NRIP1: variants seen among roughly 807,000 people sequenced by gnomAD.
NRIP1 encodes the protein nuclear receptor-interacting protein 1.
A neutral mutation model predicts 75.0 loss-of-function variants in NRIP1; 28 were observed. The observed-to-expected ratio is 0.37, with a 90% CI of 0.28 to 0.51. The LOEUF (loss-of-function observed/expected upper bound fraction) is 0.51. Among genes scored for constraint, NRIP1 ranks in the 20% least tolerant of loss-of-function variants. The probability of loss-of-function intolerance (pLI) is 0.92; values close to 1 mark genes in which losing one functional copy is unlikely to be tolerated. For synonymous variants in NRIP1, 526 were observed against 487.6 expected (o/e 1.08, Z -1.04); for missense variants, 1,435 against 1,343.7 (o/e 1.07, Z -1.06).
chr21:15,045,511 TAG>T (rs2089053139), intron 1 of NRIP1, among the ~76,000 whole-genome samples: 1 of 152,354 alleles, frequency 6.6e-6, no homozygotes, highest in African/African-American at 2.4e-5. Context: ...TGTGAATCTT[TAG>T]AGAGTTTTAC....
chr21:15,007,126 T>A (rs2087991206), intron 3 of NRIP1, among the ~76,000 whole-genome samples: 1 of 152,186 alleles, frequency 6.6e-6, no homozygotes, highest in Admixed American at 6.5e-5. Flanking sequence ...GGACTTTGAA[T>A]CAAGGCCATG....
intron 3 of NRIP1, among the ~76,000 whole-genome samples, chr21:14,985,560 G>C (rs2087376195): frequency 6.6e-6 from 1 of 152,126 alleles, no homozygotes; most frequent in South Asian, 2.1e-4. Context: ...GGAATTACCA[G>C]TGTGAGCCAC....
intron 3 of NRIP1, among the ~76,000 whole-genome samples, chr21:14,988,499 A>ATG (rs368052539): frequency 0.032 from 4,183 of 131,398 alleles, 91 homozygotes; most frequent in African/African-American, 0.075. Flanking sequence ...GTATATATAT[A>ATG]TGTGTGTGTG....
At chr21:15,045,183 A>G (rs1377071673) in intron 1 of NRIP1, among the ~76,000 whole-genome samples, 1 of 152,094 alleles carries the variant, frequency 6.6e-6, no homozygotes, top group Non-Finnish European at 1.5e-5. Context: ...GTAGGTGTCC[A>G]TTCTACCCAG....
At chr21:15,039,441 T>A (rs964367206) in intron 2 of NRIP1, among the ~76,000 whole-genome samples, 6 of 152,154 alleles carry the variant, frequency 3.9e-5, no homozygotes, top group Non-Finnish European at 8.8e-5. Context: ...CAATTTTGAA[T>A]ACCAAGAAGC....
rs1555880702 is a variant in NRIP1 at position 14,973,861 on chromosome 21, T to TTC, written c.-334-5336_-334-5335insGA. Among the ~76,000 whole-genome samples the TTC allele has an allele frequency of 4.2e-3, 637 of 150,164 alleles. 8 individuals carry two copies. Among genetic ancestry groups the TTC allele is most frequent in the African/African-American group, 0.014 (588 of 40,758 alleles). On this transcript the variant is annotated intron_variant, in intron 3 of 3. Coordinates refer to ENST00000318948, the MANE Select transcript of NRIP1 (RefSeq NM_003489.4). Reference sequence around the variant, plus strand: ...AGAGCTGATTTTTTTTTTTTTTTTTTCCTGTGGAGATGGGGATCTCACAAT... The same window carrying TTC: ...AGAGCTGATTTTTTTTTTTTTTTTTTTCCCTGTGGAGATGGGGATCTCACAAT...
intron 2 of NRIP1, among the ~76,000 whole-genome samples, chr21:15,042,463 T>A (rs1236157549): frequency 6.6e-6 from 1 of 152,212 alleles, no homozygotes; most frequent in Non-Finnish European, 1.5e-5. Context: ...ATCTATGAGG[T>A]ATGCTATGGC....
chr21:14,994,125 G>A (rs1449650693), intron 3 of NRIP1, among the ~76,000 whole-genome samples: 1 of 151,924 alleles, frequency 6.6e-6, no homozygotes, highest in Admixed American at 6.6e-5. Context: ...AGATTTTTTT[G>A]GGGGTGGGGT....
chr21:14,983,954 A>G (rs1187801974), intron 3 of NRIP1, among the ~76,000 whole-genome samples: 1 of 152,228 alleles, frequency 6.6e-6, no homozygotes, highest in African/African-American at 2.4e-5. Context: ...GCTCTGCTGC[A>G]GTTGTACAAG....
chr21:15,062,273 G>T (rs1356756317), intron 1 of NRIP1, among the ~76,000 whole-genome samples: 1 of 152,180 alleles, frequency 6.6e-6, no homozygotes, highest in African/African-American at 2.4e-5. Context: ...AATTCACATT[G>T]ATTTTACTCT....
intron 3 of NRIP1, among the ~76,000 whole-genome samples, chr21:14,999,228 C>T (rs1052829258): frequency 3.3e-5 from 5 of 152,132 alleles, no homozygotes; most frequent in African/African-American, 4.8e-5. Context: ...CCTCCTACCT[C>T]GGCCTCCCAA....
intron 3 of NRIP1, among the ~76,000 whole-genome samples, chr21:14,988,716 C>T (rs2087481668): frequency 6.6e-6 from 1 of 152,048 alleles, no homozygotes; most frequent in Admixed American, 6.6e-5. Context: ...TATACCCAAA[C>T]CACAGACCTC....
chr21:14,966,400 T>C lies in NRIP1; in HGVS notation c.1793A>G (p.His598Arg). Reference sequence around the variant, plus strand: ...TTTGCTTTTTGTAAGGTCCATTGAGTGGTTAGATGCAGTATTTGTTAGCTT... The same window carrying C: ...TTTGCTTTTTGTAAGGTCCATTGAGCGGTTAGATGCAGTATTTGTTAGCTT... ...SEKLTNTASN[H>R]SMDLTKSKDP... is the part of the protein sequence containing the mutation. The change falls in exon 4 of 4, where the codon CAC (histidine) becomes CGC (arginine). Residue 598 changes from histidine (H) to arginine (R), a missense_variant. Transcript: ENST00000318948. 6.2e-7 allele frequency: 1 copy of C among 1,614,032 alleles called. No individual in the cohort carries two copies. Among genetic ancestry groups the C allele is most frequent in the Non-Finnish European group, 8.5e-7 (1 of 1,179,956 alleles).
At chr21:14,982,199 C>G (rs1181017440) in intron 3 of NRIP1, among the ~76,000 whole-genome samples, 1 of 152,116 alleles carries the variant, frequency 6.6e-6, no homozygotes, top group East Asian at 1.9e-4. Context: ...CAGAATTTCC[C>G]ACTGTTTATA....
At chr21:15,036,777 A>C (rs1487175153) in intron 2 of NRIP1, among the ~76,000 whole-genome samples, 2 of 152,222 alleles carry the variant, frequency 1.3e-5, no homozygotes, top group African/African-American at 4.8e-5. Context: ...AAGAAATAGA[A>C]TTGAAAAGGT....
chr21:14,965,731 C>T lies in NRIP1; in HGVS notation c.2462G>A (p.Arg821Gln), dbSNP rs774507180. 1.5e-5 allele frequency: 24 copies of T among 1,613,800 alleles called. No homozygotes were observed. The highest frequency in any genetic ancestry group is 2.7e-5 in the African/African-American group (2 of 74,896). Reference protein sequence around the residue: ...FSFSKNGLLSRLLRQNQDSYL... With the variant: ...FSFSKNGLLSQLLRQNQDSYL... Reference sequence around the variant, plus strand: ...ACTATCTTGATTTTGTCTTAGCAATCGACTTAGCAGACCATTCTTGGAGAA... The same window carrying T: ...ACTATCTTGATTTTGTCTTAGCAATTGACTTAGCAGACCATTCTTGGAGAA... Residue 821 changes from arginine to glutamine, a missense_variant, in exon 4 of 4, where the codon CGA (arginine) becomes CAA (glutamine). Arg to Gln is a conservative substitution (Grantham distance 43, BLOSUM62 1). Coordinates refer to ENST00000318948, the MANE Select transcript of NRIP1 (RefSeq NM_003489.4).
chr21:15,057,537 A>C (rs369164562), intron 1 of NRIP1, among the ~76,000 whole-genome samples: 19 of 152,304 alleles, frequency 1.2e-4, no homozygotes, highest in African/African-American at 3.6e-4. Flanking sequence ...GACTGGCAAC[A>C]ATGTGCCTTC....
At chr21:15,031,122 T>C (rs2088670818) in intron 2 of NRIP1, among the ~76,000 whole-genome samples, 1 of 130,858 alleles carries the variant, frequency 7.6e-6, no homozygotes, top group Non-Finnish European at 1.7e-5. Context: ...TTTCTATGTG[T>C]ATACACTCTG....
At chr21:15,051,133 C>A (rs543678650) in intron 1 of NRIP1, 2 of 344,890 alleles carry the variant, frequency 5.8e-6, no homozygotes, top group East Asian at 7.6e-5. Context: ...TAGACCAACA[C>A]TGGGGCTTTC....
Sources: gnomAD v4.1 joint callset for allele counts (sites outside exome capture counted in the v4.1 genomes callset) on GRCh38, gnomAD v4.1.1 for gene constraint, MANE v1.5 for transcripts, NCBI Gene and HGNC (gene_info 2026-07-23, HGNC 2026-07-21) for gene names.